The following ALK variants were observed in gnomAD, a reference collection of about 807,000 sequenced individuals.
ALK encodes ALK receptor tyrosine kinase.
A neutral mutation model predicts 163.1 loss-of-function variants in ALK; 74 were observed. The observed-to-expected ratio is 0.45, with a 90% CI of 0.38 to 0.55. The LOEUF is 0.55. Among genes scored for constraint, ALK ranks in the 20% least tolerant of loss-of-function variants. The pLI, the probability that ALK is intolerant of heterozygous loss-of-function variation, is 0.00. For missense variants in ALK, 2,063 were observed against 2,105.3 expected (o/e 0.98, Z 0.39); for synonymous variants, 960 against 843.2 (o/e 1.14, Z -2.40).
chr2:29,509,314 C>A (rs192722096), intron 4 of ALK, among the ~76,000 whole-genome samples: 104 of 152,272 alleles, frequency 6.8e-4, no homozygotes, highest in African/African-American at 2.4e-3. Context: ...TTAAAAGAAG[C>A]TTATTTTTCA....
intron 3 of ALK, among the ~76,000 whole-genome samples, chr2:29,626,165 A>G: frequency 6.6e-6 from 1 of 152,128 alleles, no homozygotes; most frequent in East Asian, 1.9e-4. Flanking sequence ...TGGTATTTGG[A>G]GGTGGGACCC....
intron 1 of ALK, among the ~76,000 whole-genome samples, chr2:29,816,896 G>A (rs1275187656): frequency 6.6e-6 from 1 of 152,216 alleles, no homozygotes; most frequent in East Asian, 1.9e-4. Flanking sequence ...ATGAATAAAG[G>A]CACAGAGGCT....
chr2:29,871,400 C>A (rs909092285), intron 1 of ALK, among the ~76,000 whole-genome samples: 8 of 152,210 alleles, frequency 5.3e-5, no homozygotes, highest in Admixed American at 1.3e-4. Flanking sequence ...CAACTACACT[C>A]CCTGTATAGT....
intron 4 of ALK, among the ~76,000 whole-genome samples, chr2:29,471,651 A>G (rs1671349433): frequency 6.6e-6 from 1 of 152,234 alleles, no homozygotes; most frequent in African/African-American, 2.4e-5. Flanking sequence ...TTTTCCAAAT[A>G]TGGTCACAGC....
chr2:29,383,796 G>A lies in ALK; in HGVS notation c.1218C>T (p.Tyr406=), dbSNP rs750201156. 2.6e-5 allele frequency: 42 copies of A among 1,614,050 alleles called. No homozygotes were observed. In the East Asian group the frequency reaches 7.8e-4, roughly 30 times the overall value. The part of the protein sequence containing the change: ...PDNPFRVALE[Y]ISSGNRSLSA... ...ACAAGCTGCGGTTTCCACTGGAGAT[G>A]TATTCCAGGGCCACTCGAAATGGGT... Residue 406 remains tyrosine (Y), a synonymous_variant, in exon 5 of 29, where the codon TAC becomes TAT. Coordinates refer to ENST00000389048, the MANE Select transcript of ALK (RefSeq NM_004304.5).
chr2:29,193,981 A>C (rs1374619337), intron 28 of ALK, 59 bp from the exon 29 acceptor site: 2 of 1,491,974 alleles, frequency 1.3e-6, no homozygotes, highest in Admixed American at 1.7e-5. Flanking sequence ...TGGATCTAGA[A>C]GATACCTTAG....
At chr2:29,287,123 G>A (rs996785954) in intron 9 of ALK, among the ~76,000 whole-genome samples, 2 of 152,210 alleles carry the variant, frequency 1.3e-5, no homozygotes, top group East Asian at 1.9e-4. Flanking sequence ...AACCTTGAAC[G>A]CTTCTTGTGT....
chr2:29,626,232 G>T (rs1280566384), intron 3 of ALK, among the ~76,000 whole-genome samples: 2 of 152,120 alleles, frequency 1.3e-5, no homozygotes, highest in South Asian at 2.1e-4. Flanking sequence ...GATATGACTT[G>T]GCTGTGTCCC....
chr2:29,705,070 T>C (rs1353868180), intron 2 of ALK, among the ~76,000 whole-genome samples: 1 of 150,430 alleles, frequency 6.6e-6, no homozygotes, highest in African/African-American at 2.4e-5. Flanking sequence ...ATACAAAAAT[T>C]AGCCAAGCGT....
chr2:29,613,568 G>C (rs1675756023), intron 3 of ALK, among the ~76,000 whole-genome samples: 1 of 152,128 alleles, frequency 6.6e-6, no homozygotes, highest in African/African-American at 2.4e-5. Flanking sequence ...CTGACATGCA[G>C]TCTTTAGCCA....
In ALK at chr2:29,660,425, C is replaced by T. The variant is rs142452644; in HGVS notation, c.952+34425G>A. ...GAGGTTCAGCTGCTCCCTCTCAAGG[C>T]CCCTCTTGAGGAAATCACTGGTGGG... On this transcript the variant is annotated intron_variant, in intron 3 of 28. Coordinates refer to ENST00000389048, the MANE Select transcript of ALK (RefSeq NM_004304.5). Among the ~76,000 whole-genome samples the T allele has an allele frequency of 7.2e-3, 1,089 of 152,268 alleles. 13 individuals carry two copies. The highest frequency in any genetic ancestry group is 0.046 in the South Asian group (223 of 4,822).
intron 26 of ALK, 40 bp from the exon 27 acceptor site, chr2:29,197,716 C>T (rs1165360889): frequency 6.6e-7 from 1 of 1,520,428 alleles, no homozygotes; most frequent in Non-Finnish European, 9.1e-7. Context: ...GATATAGACA[C>T]ACCCACCCAC....
At chr2:29,635,052 A>G (rs751067530) in intron 3 of ALK, among the ~76,000 whole-genome samples, 4 of 152,210 alleles carry the variant, frequency 2.6e-5, no homozygotes, top group Non-Finnish European at 4.4e-5. Flanking sequence ...TCAAAAAATA[A>G]CACTTAGGCT....
At position 29,219,141 on chromosome 2, in the gene ALK, G is replaced by C. The variant is rs561754246; in HGVS notation, c.3645+1565C>G. ...AGAGACCTGCATTGTCTGTTCATAG[G>C]GTGGTGTTGAGAAATGTGAAAGGTC... is the stretch of plus-strand genomic sequence containing the variant. On this transcript the variant is annotated intron_variant, in intron 23 of 28. Transcript: ENST00000389048. Among the ~76,000 whole-genome samples the C allele has an allele frequency of 2.6e-4, 39 of 152,290 alleles. No homozygotes were observed. The South Asian group carries it at 7.9e-3, about 31-fold the overall frequency.
intron 28 of ALK, among the ~76,000 whole-genome samples, chr2:29,194,337 TG>T (rs1246562286): frequency 1.3e-5 from 2 of 149,680 alleles, no homozygotes; most frequent in African/African-American, 2.5e-5. Flanking sequence ...AGAGTGATGG[TG>T]GGGGGCTGGG....
intron 3 of ALK, among the ~76,000 whole-genome samples, chr2:29,621,493 C>T (rs2148229525): frequency 6.6e-6 from 1 of 152,276 alleles, no homozygotes; most frequent in East Asian, 1.9e-4. Flanking sequence ...TCCCAGGACA[C>T]TGATTTCACA....
intron 4 of ALK, among the ~76,000 whole-genome samples, chr2:29,399,795 T>C (rs1162204610): frequency 6.6e-6 from 1 of 152,238 alleles, no homozygotes. Context: ...GGGAGTCTCC[T>C]TCTTCCTTGC....
At chr2:29,708,602 G>C (rs1191065033) in intron 2 of ALK, among the ~76,000 whole-genome samples, 1 of 152,144 alleles carries the variant, frequency 6.6e-6, no homozygotes, top group Non-Finnish European at 1.5e-5. Context: ...GGAAACCCAA[G>C]GTATTCAAGG....
chr2:29,539,387 A>G (rs969169452), intron 3 of ALK, among the ~76,000 whole-genome samples: 1 of 152,158 alleles, frequency 6.6e-6, no homozygotes, highest in Admixed American at 6.5e-5. Context: ...ATCAGCAATA[A>G]TTAAGATTAT....
Sources: allele counts gnomAD v4.1 joint callset (sites outside exome capture counted in the v4.1 genomes callset), GRCh38; gene constraint gnomAD v4.1.1; transcripts MANE v1.5; gene names NCBI Gene and HGNC (gene_info 2026-07-23, HGNC 2026-07-21).